The following THSD7B variants were observed in gnomAD, a reference collection of about 807,000 sequenced individuals.
THSD7B encodes the protein thrombospondin type-1 domain-containing protein 7B.
A neutral mutation model predicts 213.6 loss-of-function variants in THSD7B; 138 were observed. The ratio of observed to expected loss-of-function variants is 0.65; its 90% CI spans 0.56 to 0.74. The LOEUF is 0.74. Ranked by LOEUF, THSD7B falls within the 30% of genes least tolerant of loss-of-function variation. The pLI, the probability that THSD7B is intolerant of heterozygous loss-of-function variation, is 0.00. For missense variants in THSD7B, 1,931 were observed against 1,991.5 expected, an observed-to-expected ratio of 0.97 and a Z score of 0.58; for synonymous variants, 742 against 687.0, an observed-to-expected ratio of 1.08 and a Z score of -1.25.
chr2:137,129,253 G>A (rs1218346691), intron 5 of THSD7B, among the ~76,000 whole-genome samples: 1 of 152,102 alleles, frequency 6.6e-6, no homozygotes, highest in Admixed American at 6.6e-5. Context: ...CAACTCTGGA[G>A]CTCAACTTAT....
chr2:137,530,976 C>T (rs1424382609), intron 15 of THSD7B, among the ~76,000 whole-genome samples: 1 of 151,954 alleles, frequency 6.6e-6, no homozygotes, highest in East Asian at 1.9e-4. Context: ...AATATCTAAA[C>T]ACACAATCTT....
chr2:137,237,267 C>T (rs1681785914), intron 9 of THSD7B, among the ~76,000 whole-genome samples: 1 of 152,120 alleles, frequency 6.6e-6, no homozygotes, highest in South Asian at 2.1e-4. Flanking sequence ...CAGAGTATTA[C>T]ATGAAAGCAG....
intron 10 of THSD7B, among the ~76,000 whole-genome samples, chr2:137,247,021 AT>A (rs1039938146): frequency 4.9e-4 from 74 of 152,280 alleles, no homozygotes; most frequent in African/African-American, 1.8e-3. Flanking sequence ...AGAAACACTC[AT>A]TTAATGCCTA....
chr2:136,793,808 T>C (rs1293517915), intron 1 of THSD7B, among the ~76,000 whole-genome samples: 1 of 151,962 alleles, frequency 6.6e-6, no homozygotes, highest in African/African-American at 2.4e-5. Context: ...GAAAGTATTT[T>C]TACTTTTTTT....
chr2:137,643,011 G>T lies in THSD7B; in HGVS notation c.3945+378G>T, dbSNP rs1034308342. ...TGCTTTAGATTGTTTAAGAAATTTA[G>T]ATTTCTTAAAGAAACACTTTTAGGG... On this transcript the variant is annotated intron_variant, in intron 21 of 27. Coordinates refer to ENST00000409968, the MANE Select transcript of THSD7B (RefSeq NM_001316349.2). Among the ~76,000 whole-genome samples the T allele has an allele frequency of 5.9e-5, 9 of 152,254 alleles. No individual in the cohort carries two copies. The East Asian group carries it at 1.4e-3, about 23-fold the overall frequency.
At chr2:136,931,323 A>G (rs771891343) in intron 2 of THSD7B, among the ~76,000 whole-genome samples, 16 of 152,182 alleles carry the variant, frequency 1.1e-4, no homozygotes, top group Non-Finnish European at 1.6e-4. Flanking sequence ...CAATTGAGGA[A>G]ATTATTGCTC....
At chr2:136,820,991 A>G (rs899620828) in intron 1 of THSD7B, among the ~76,000 whole-genome samples, 1 of 152,198 alleles carries the variant, frequency 6.6e-6, no homozygotes, top group Non-Finnish European at 1.5e-5. Flanking sequence ...TTAAAATACA[A>G]ACTTACAGAT....
At chr2:136,858,714 A>G (rs573349513) in intron 1 of THSD7B, among the ~76,000 whole-genome samples, 2 of 152,182 alleles carry the variant, frequency 1.3e-5, no homozygotes, top group Admixed American at 1.3e-4. Context: ...AATTGACCTA[A>G]TATTTCCAGG....
chr2:136,961,113 AG>A (rs1685210760), intron 2 of THSD7B, among the ~76,000 whole-genome samples: 6 of 141,008 alleles, frequency 4.3e-5, no homozygotes, highest in African/African-American at 1.6e-4. Context: ...AAAAAAAAAG[AG>A]AAAATGTGAG....
chr2:137,594,920 C>T (rs999831715), intron 17 of THSD7B, among the ~76,000 whole-genome samples: 1 of 151,610 alleles, frequency 6.6e-6, no homozygotes, highest in Admixed American at 6.6e-5. Context: ...TGTAGATGTT[C>T]TGCATATCTT....
rs1448239145 is a variant in THSD7B at position 137,205,880 on chromosome 2, C to A, written c.1724-25164C>A. The stretch of plus-strand genomic sequence containing the variant: ...CTTGCTCTTCTAATACATTATTTAT[C>A]ATTGTGTTAAGAGTAAGAATAATGT... On this transcript the variant is annotated intron_variant, in intron 7 of 27. Coordinates refer to ENST00000409968, the MANE Select transcript of THSD7B (RefSeq NM_001316349.2). Among the ~76,000 whole-genome samples the A allele has an allele frequency of 3.4e-5, 5 of 145,120 alleles. No homozygotes were observed. In the East Asian group the frequency reaches 9.9e-4, roughly 29 times the overall value.
intron 14 of THSD7B, among the ~76,000 whole-genome samples, chr2:137,441,104 C>T (rs895776869): frequency 5.9e-5 from 9 of 152,116 alleles, no homozygotes; most frequent in African/African-American, 1.7e-4. Context: ...AATATCCTAT[C>T]ATGTTTCATT....
intron 15 of THSD7B, among the ~76,000 whole-genome samples, chr2:137,501,470 A>G (rs1388101199): frequency 3.3e-5 from 5 of 152,162 alleles, no homozygotes; most frequent in Admixed American, 6.5e-5. Context: ...TTAAGAGATC[A>G]AAATATATAA....
intron 7 of THSD7B, among the ~76,000 whole-genome samples, chr2:137,202,031 G>C (rs1474649475): frequency 6.6e-6 from 1 of 152,088 alleles, no homozygotes; most frequent in African/African-American, 2.4e-5. Flanking sequence ...TGGGTCCTTT[G>C]CTGCACATCA....
At chr2:137,060,642 A>G (rs1687253116) in intron 3 of THSD7B, among the ~76,000 whole-genome samples, 1 of 151,954 alleles carries the variant, frequency 6.6e-6, no homozygotes, top group African/African-American at 2.4e-5. Context: ...TGAGTTACCT[A>G]TGCTTTTTTG....
intron 7 of THSD7B, among the ~76,000 whole-genome samples, chr2:137,208,429 A>C (rs1302573541): frequency 1.0e-5 from 1 of 99,446 alleles, no homozygotes; most frequent in Admixed American, 9.0e-5. Flanking sequence ...GGGTCCTGTT[A>C]AGAATTCCTT....
intron 5 of THSD7B, among the ~76,000 whole-genome samples, chr2:137,145,917 C>T (rs1414567279): frequency 6.6e-6 from 1 of 151,968 alleles, no homozygotes; most frequent in Admixed American, 6.6e-5. Flanking sequence ...AATAATTATT[C>T]TCATTATATT....
intron 15 of THSD7B, among the ~76,000 whole-genome samples, chr2:137,532,926 TATACACATACCATAC>T (rs1375460274): frequency 6.6e-6 from 1 of 151,386 alleles, no homozygotes; most frequent in Non-Finnish European, 1.5e-5. Context: ...TGCATAGATA[TATACACATACCATAC>T]ATATATATAC....
chr2:137,496,936 G>C (rs943899169), intron 15 of THSD7B, among the ~76,000 whole-genome samples: 7 of 152,090 alleles, frequency 4.6e-5, no homozygotes, highest in African/African-American at 1.2e-4. Flanking sequence ...CGTGTAGTCT[G>C]CTAGGGTCAG....
Sources: allele counts gnomAD v4.1 joint callset (sites outside exome capture counted in the v4.1 genomes callset), GRCh38; gene constraint gnomAD v4.1.1; transcripts MANE v1.5; gene names NCBI Gene and HGNC (gene_info 2026-07-23, HGNC 2026-07-21).